The following TRABD2B variants were observed in gnomAD, a reference collection of about 807,000 sequenced individuals.
TRABD2B encodes the protein TraB domain containing 2B.
Under a neutral mutation model 40.1 loss-of-function variants are expected in TRABD2B, and 14 were observed. The ratio of observed to expected loss-of-function variants is 0.35; its 90% CI spans 0.23 to 0.55. TRABD2B has a LOEUF of 0.55. Among genes scored for constraint, TRABD2B ranks in the 20% least tolerant of loss-of-function variants. The pLI, the probability that TRABD2B is intolerant of heterozygous loss-of-function variation, is 0.90. For synonymous variants in TRABD2B, 263 were observed against 277.0 expected, an observed-to-expected ratio of 0.95 and a Z score of 0.50; for missense variants, 541 against 648.6, an observed-to-expected ratio of 0.83 and a Z score of 1.80.
At chr1:47,912,935 C>A (rs1244047771) in intron 2 of TRABD2B, among the ~76,000 whole-genome samples, 1 of 152,120 alleles carries the variant, frequency 6.6e-6, no homozygotes, top group East Asian at 1.9e-4. Flanking sequence ...CAGCACAGGC[C>A]GCCCCTAGCA....
At chr1:47,908,406 T>C (rs1557650168) in intron 2 of TRABD2B, among the ~76,000 whole-genome samples, 1 of 152,198 alleles carries the variant, frequency 6.6e-6, no homozygotes, top group African/African-American at 2.4e-5. Context: ...AGATAATTGA[T>C]TGGGAGAACT....
intron 2 of TRABD2B, among the ~76,000 whole-genome samples, chr1:47,876,759 G>A (rs979639959): frequency 6.6e-6 from 1 of 152,242 alleles, no homozygotes; most frequent in African/African-American, 2.4e-5. Flanking sequence ...ACTGACAGCA[G>A]CAGGCAGCAC....
Position 47,874,374 on chromosome 1 carries a change from G to C in TRABD2B, c.667-72755C>G, listed in dbSNP as rs1328098162. On this transcript the variant is annotated intron_variant, in intron 2 of 6. Coordinates refer to ENST00000606738, the MANE Select transcript of TRABD2B (RefSeq NM_001194986.2). ...TGCAAGCTCCGCTTCCCGGGTTCAC[G>C]CCATTCTCCTGCCTCAGCCTCCCGA... Among the ~76,000 whole-genome samples, 6 of 144,818 alleles carry C rather than the reference G, an allele frequency of 4.1e-5. No homozygotes were observed. The East Asian group carries it at 1.3e-3, about 31-fold the overall frequency.
intron 2 of TRABD2B, among the ~76,000 whole-genome samples, chr1:47,888,293 T>G (rs1644397773): frequency 6.6e-6 from 1 of 152,214 alleles, no homozygotes; most frequent in Non-Finnish European, 1.5e-5. Flanking sequence ...GGTTCTCCCG[T>G]GGAATTCCCT....
intron 2 of TRABD2B, among the ~76,000 whole-genome samples, chr1:47,844,780 T>C (rs1413964749): frequency 1.3e-5 from 2 of 152,146 alleles, no homozygotes; most frequent in African/African-American, 4.8e-5. Context: ...GAAAGCAGCA[T>C]GAGTAAAGGT....
chr1:47,766,178 A>G (rs1162391219), intron 6 of TRABD2B, 72 bp from the exon 7 acceptor site: 5 of 686,656 alleles, frequency 7.3e-6, no homozygotes, highest in African/African-American at 7.1e-5. Flanking sequence ...TGGGGCTCAG[A>G]TCTGATTTTT....
chr1:47,892,317 C>G (rs2124654837), intron 2 of TRABD2B, among the ~76,000 whole-genome samples: 1 of 152,360 alleles, frequency 6.6e-6, no homozygotes, highest in African/African-American at 2.4e-5. Context: ...CAGAATGGAA[C>G]TGCCATGTGC....
intron 2 of TRABD2B, among the ~76,000 whole-genome samples, chr1:47,843,781 G>C (rs1645430839): frequency 6.6e-6 from 1 of 152,210 alleles, no homozygotes; most frequent in Admixed American, 6.5e-5. Context: ...CTCAGTCAAA[G>C]CCTGCTGACA....
At chr1:47,821,005 C>A (rs570291135) in intron 2 of TRABD2B, among the ~76,000 whole-genome samples, 1 of 152,310 alleles carries the variant, frequency 6.6e-6, no homozygotes, top group African/African-American at 2.4e-5. Flanking sequence ...GTCCTTGCAT[C>A]CTCTGGGCAT....
intron 2 of TRABD2B, among the ~76,000 whole-genome samples, chr1:47,969,554 C>T (rs1350220895): frequency 1.3e-5 from 2 of 152,198 alleles, no homozygotes; most frequent in Admixed American, 6.5e-5. Context: ...AAAAGTCACA[C>T]TTTAGAAACT....
chr1:47,823,010 A>G (rs1161082694), intron 2 of TRABD2B, among the ~76,000 whole-genome samples: 1 of 152,154 alleles, frequency 6.6e-6, no homozygotes, highest in Non-Finnish European at 1.5e-5. Context: ...CTCCTTCTCC[A>G]CCCTAAGTGA....
chr1:47,869,216 C>A (rs1644105730), intron 2 of TRABD2B, among the ~76,000 whole-genome samples: 1 of 152,128 alleles, frequency 6.6e-6, no homozygotes, highest in Non-Finnish European at 1.5e-5. Flanking sequence ...TACATATATA[C>A]AAAACCATTC....
At chr1:47,796,885 G>A (rs1302848031) in intron 3 of TRABD2B, among the ~76,000 whole-genome samples, 1 of 152,228 alleles carries the variant, frequency 6.6e-6, no homozygotes, top group Non-Finnish European at 1.5e-5. Context: ...TGAACGGGGA[G>A]AAGCACAGAA....
intron 2 of TRABD2B, among the ~76,000 whole-genome samples, chr1:47,834,820 T>A (rs1181635665): frequency 6.6e-6 from 1 of 152,178 alleles, no homozygotes; most frequent in East Asian, 1.9e-4. Flanking sequence ...ATTTCCAGAT[T>A]TGCCACATTA....
chr1:47,978,353 AG>A (rs1466480959), intron 2 of TRABD2B, among the ~76,000 whole-genome samples: 2 of 152,232 alleles, frequency 1.3e-5, no homozygotes, highest in African/African-American at 4.8e-5. Context: ...TAAGCAAACT[AG>A]CTTATGGTAT....
At chr1:47,772,773 G>T (rs1336843267) in intron 6 of TRABD2B, among the ~76,000 whole-genome samples, 1 of 152,126 alleles carries the variant, frequency 6.6e-6, no homozygotes, top group African/African-American at 2.4e-5. Flanking sequence ...GAGCAACGGA[G>T]GCTGTGCCCT....
intron 2 of TRABD2B, among the ~76,000 whole-genome samples, chr1:47,977,347 C>T (rs1645771167): frequency 6.6e-6 from 1 of 152,148 alleles, no homozygotes; most frequent in African/African-American, 2.4e-5. Flanking sequence ...TCTGGAATAA[C>T]AGGTGTGAGC....
intron 2 of TRABD2B, among the ~76,000 whole-genome samples, chr1:47,962,935 T>C (rs933844411): frequency 3.9e-5 from 6 of 152,140 alleles, no homozygotes; most frequent in African/African-American, 1.4e-4. Context: ...AAAGATGCCA[T>C]GCAAGCAGGC....
intron 4 of TRABD2B, among the ~76,000 whole-genome samples, chr1:47,789,954 G>C (rs1298074436): frequency 6.6e-6 from 1 of 150,780 alleles, no homozygotes; most frequent in African/African-American, 2.4e-5. Flanking sequence ...AAAAAAAAAA[G>C]GTAGGTGAGT....
Sources: gnomAD v4.1 joint callset for allele counts (sites outside exome capture counted in the v4.1 genomes callset) on GRCh38, gnomAD v4.1.1 for gene constraint, MANE v1.5 for transcripts, NCBI Gene and HGNC (gene_info 2026-07-23, HGNC 2026-07-21) for gene names.